SPOCK1: variants seen among roughly 807,000 people sequenced by gnomAD.
SPOCK1 encodes the protein SPARC (osteonectin), cwcv and kazal like domains proteoglycan 1, also known as testican-1.
Under a neutral mutation model 55.3 loss-of-function variants are expected in SPOCK1, and 23 were observed. The observed-to-expected ratio is 0.42, with a 90% CI of 0.30 to 0.59. SPOCK1 has a LOEUF of 0.59. Among genes scored for constraint, SPOCK1 ranks in the 20% least tolerant of loss-of-function variants. SPOCK1 has a pLI of 0.22. For missense variants in SPOCK1, 499 were observed against 552.5 expected, an observed-to-expected ratio of 0.90 and a Z score of 0.97; for synonymous variants, 226 against 221.0, an observed-to-expected ratio of 1.02 and a Z score of -0.20.
At chr5:137,185,144 G>T (rs1400151304) in intron 3 of SPOCK1, among the ~76,000 whole-genome samples, 1 of 152,222 alleles carries the variant, frequency 6.6e-6, no homozygotes, top group Admixed American at 6.5e-5. Flanking sequence ...AATGGAAAGG[G>T]TCAGTTGGGA....
intron 3 of SPOCK1, among the ~76,000 whole-genome samples, chr5:137,222,533 T>C (rs1013397200): frequency 3.9e-5 from 6 of 152,340 alleles, no homozygotes; most frequent in Non-Finnish European, 7.3e-5. Context: ...ACAGATTTAA[T>C]ACAACTATAA....
At chr5:137,482,016 A>C (rs1301381261) in intron 2 of SPOCK1, among the ~76,000 whole-genome samples, 1 of 152,228 alleles carries the variant, frequency 6.6e-6, no homozygotes, top group Non-Finnish European at 1.5e-5. Context: ...CCCATGCCTA[A>C]GACATCTGAC....
chr5:137,463,590 A>G (rs1318681761), intron 2 of SPOCK1, among the ~76,000 whole-genome samples: 1 of 152,112 alleles, frequency 6.6e-6, no homozygotes, highest in Non-Finnish European at 1.5e-5. Flanking sequence ...AGAATAAATA[A>G]GACCTAGTAT....
chr5:137,400,987 C>T (rs1751963592), intron 2 of SPOCK1, among the ~76,000 whole-genome samples: 1 of 151,052 alleles, frequency 6.6e-6, no homozygotes, highest in Admixed American at 6.6e-5. Flanking sequence ...TCATGTGCTG[C>T]CTTTGCCAGA....
At chr5:137,162,893 A>T (rs1754587000) in intron 3 of SPOCK1, among the ~76,000 whole-genome samples, 1 of 152,212 alleles carries the variant, frequency 6.6e-6, no homozygotes, top group Non-Finnish European at 1.5e-5. Flanking sequence ...TACTTATTCC[A>T]CATCAGCGTT....
intron 5 of SPOCK1, among the ~76,000 whole-genome samples, chr5:137,078,728 C>T (rs1685469409): frequency 6.6e-6 from 1 of 152,158 alleles, no homozygotes; most frequent in African/African-American, 2.4e-5. Context: ...GGCAGCATTC[C>T]TGGCACATGG....
chr5:137,309,350 C>G (rs1198380673), intron 2 of SPOCK1, among the ~76,000 whole-genome samples: 1 of 152,148 alleles, frequency 6.6e-6, no homozygotes, highest in Non-Finnish European at 1.5e-5. Flanking sequence ...TCCCAGGTGC[C>G]AGGCACCTCC....
intron 3 of SPOCK1, among the ~76,000 whole-genome samples, chr5:137,185,007 T>C (rs2127066543): frequency 6.6e-6 from 1 of 152,310 alleles, no homozygotes; most frequent in Non-Finnish European, 1.5e-5. Context: ...TAACTACGCT[T>C]GAGACTATCT....
chr5:137,060,927 A>T (rs1455488926), intron 6 of SPOCK1, among the ~76,000 whole-genome samples: 1 of 152,254 alleles, frequency 6.6e-6, no homozygotes, highest in African/African-American at 2.4e-5. Flanking sequence ...CAGAGTCCTG[A>T]CAAATGAATT....
intron 2 of SPOCK1, among the ~76,000 whole-genome samples, chr5:137,440,823 T>G (rs1206729610): frequency 6.6e-6 from 1 of 152,228 alleles, no homozygotes; most frequent in Non-Finnish European, 1.5e-5. Context: ...AAAATAAGCC[T>G]GTCTAATATG....
chr5:137,418,129 T>A (rs192188749), intron 2 of SPOCK1, among the ~76,000 whole-genome samples: 1 of 152,212 alleles, frequency 6.6e-6, no homozygotes, highest in Non-Finnish European at 1.5e-5. Flanking sequence ...ACAAAGGACA[T>A]GAACTCATCA....
At chr5:137,032,902 A>AG (rs143479074) in intron 6 of SPOCK1, among the ~76,000 whole-genome samples, 6,889 of 152,286 alleles carry the variant, frequency 0.045, 184 homozygotes, top group South Asian at 0.12. Context: ...GGAAAAAGGA[A>AG]GGTGGTTCAC....
chr5:137,208,756 A>G (rs964819502), intron 3 of SPOCK1, among the ~76,000 whole-genome samples: 2 of 152,174 alleles, frequency 1.3e-5, no homozygotes, highest in Non-Finnish European at 2.9e-5. Context: ...ACTATTGGAT[A>G]CTATACTCAG....
intron 2 of SPOCK1, among the ~76,000 whole-genome samples, chr5:137,491,534 T>C (rs1433881130): frequency 6.6e-6 from 1 of 152,176 alleles, no homozygotes; most frequent in Non-Finnish European, 1.5e-5. Flanking sequence ...AGCAGCTTTC[T>C]GAGTGGGGCT....
chr5:137,074,054 G>A (rs531449580), intron 5 of SPOCK1, among the ~76,000 whole-genome samples: 5 of 152,136 alleles, frequency 3.3e-5, no homozygotes, highest in East Asian at 1.9e-4. Context: ...GGTTGAACCC[G>A]ACTCTATGCA....
At chr5:137,417,231 A>G (rs1163794324) in intron 2 of SPOCK1, among the ~76,000 whole-genome samples, 1 of 151,522 alleles carries the variant, frequency 6.6e-6, no homozygotes, top group Non-Finnish European at 1.5e-5. Context: ...TTTGAGTCCT[A>G]TCTAAAAAAT....
intron 3 of SPOCK1, among the ~76,000 whole-genome samples, chr5:137,249,884 C>A (rs770103883): frequency 6.6e-6 from 1 of 152,004 alleles, no homozygotes; most frequent in Admixed American, 6.6e-5. Context: ...AAACAGTTGA[C>A]AATCAGCTAC....
intron 3 of SPOCK1, among the ~76,000 whole-genome samples, chr5:137,148,975 T>TA (rs891943735): frequency 2.0e-5 from 3 of 151,614 alleles, no homozygotes; most frequent in African/African-American, 4.9e-5. Context: ...GAAGACCTCA[T>TA]AAAAAAAGAC....
chr5:137,189,867 A>G (rs1268348448), intron 3 of SPOCK1, among the ~76,000 whole-genome samples: 1 of 152,166 alleles, frequency 6.6e-6, no homozygotes, highest in South Asian at 2.1e-4. Context: ...AAAAATACCA[A>G]CATTAACAGA....
Sources: gnomAD v4.1 joint callset for allele counts (sites outside exome capture counted in the v4.1 genomes callset) on GRCh38, gnomAD v4.1.1 for gene constraint, MANE v1.5 for transcripts, NCBI Gene and HGNC (gene_info 2026-07-23, HGNC 2026-07-21) for gene names.